PPP4R2: variants seen among roughly 807,000 people sequenced by gnomAD.
PPP4R2 encodes the protein protein phosphatase 4 regulatory subunit 2, also known as serine/threonine-protein phosphatase 4 regulatory subunit 2.
Under a neutral mutation model 47.2 loss-of-function variants are expected in PPP4R2, and 13 were observed. The observed-to-expected ratio is 0.28, with a 90% CI of 0.18 to 0.44. The LOEUF is 0.44. Ranked by LOEUF, PPP4R2 falls within the 20% of genes least tolerant of loss-of-function variation. PPP4R2 has a pLI of 1.00. For missense variants in PPP4R2, 421 were observed against 491.2 expected (o/e 0.86, Z 1.35); for synonymous variants, 151 against 163.3 (o/e 0.92, Z 0.57).
intron 2 of PPP4R2, among the ~76,000 whole-genome samples, chr3:73,005,157 G>A (rs867121818): frequency 3.3e-5 from 5 of 152,042 alleles, no homozygotes; most frequent in Admixed American, 3.3e-4. Context: ...TGGCCAGGCT[G>A]GTCTCAAACT....
intron 2 of PPP4R2, among the ~76,000 whole-genome samples, chr3:73,024,829 G>A (rs770349474): frequency 3.3e-5 from 5 of 152,222 alleles, no homozygotes; most frequent in Non-Finnish European, 7.4e-5. Flanking sequence ...TGTGGTTCAC[G>A]TAAGCCCAAA....
At position 73,066,877 on chromosome 3, in the gene PPP4R2, C is replaced by T. The variant is rs1703006926; in HGVS notation, c.*1155C>T. On this transcript the variant is annotated 3_prime_UTR_variant, in exon 9 of 9. Coordinates refer to ENST00000356692, the MANE Select transcript of PPP4R2 (RefSeq NM_174907.4). ...ATTTTTGAACATGCTTCTTCGACAG[C>T]CAGTGTTATATTTTTCAGATCAACA... is the stretch of plus-strand genomic sequence containing the variant. 6.6e-6 allele frequency: 1 copy of T among 151,892 alleles called. No individual in the cohort carries two copies. 9.4% of individuals were successfully genotyped at this position (151,892 alleles called of 1,614,324 possible). A position where few individuals can be genotyped will look rare whatever the true frequency, so the allele number is the denominator to read the frequency against.
chr3:73,053,172 T>A (rs1702655138), intron 3 of PPP4R2, among the ~76,000 whole-genome samples: 1 of 152,244 alleles, frequency 6.6e-6, no homozygotes, highest in African/African-American at 2.4e-5. Flanking sequence ...TTTGTGTCAG[T>A]GTTTGTTGAG....
At chr3:73,028,079 A>C (rs1331819979) in intron 2 of PPP4R2, among the ~76,000 whole-genome samples, 2 of 151,614 alleles carry the variant, frequency 1.3e-5, no homozygotes, top group African/African-American at 4.8e-5. Context: ...CAACATGGTG[A>C]AACCTCATCT....
At chr3:73,031,404 A>G (rs1250762213) in intron 2 of PPP4R2, among the ~76,000 whole-genome samples, 1 of 152,036 alleles carries the variant, frequency 6.6e-6, no homozygotes, top group African/African-American at 2.4e-5. Flanking sequence ...TTAGCTGGAC[A>G]TGGTGGCATG....
intron 3 of PPP4R2, among the ~76,000 whole-genome samples, chr3:73,054,310 AT>A (rs1470420916): frequency 6.6e-6 from 1 of 152,218 alleles, no homozygotes; most frequent in African/African-American, 2.4e-5. Context: ...ATAAATATAA[AT>A]ATTTATGAAT....
At chr3:73,039,126 C>T (rs1286222880) in intron 2 of PPP4R2, among the ~76,000 whole-genome samples, 1 of 152,008 alleles carries the variant, frequency 6.6e-6, no homozygotes, top group African/African-American at 2.4e-5. Flanking sequence ...ATATAAAAAA[C>T]AATACTTTTT....
At chr3:73,030,955 G>T (rs1403734180) in intron 2 of PPP4R2, among the ~76,000 whole-genome samples, 5 of 151,992 alleles carry the variant, frequency 3.3e-5, no homozygotes, top group Non-Finnish European at 5.9e-5. Context: ...GCCCGCCTCG[G>T]CCTCCCAAAA....
intron 2 of PPP4R2, among the ~76,000 whole-genome samples, chr3:73,013,646 C>CTT (rs56817057): frequency 6.2e-5 from 9 of 145,102 alleles, no homozygotes; most frequent in Middle Eastern, 3.5e-3. Flanking sequence ...TTTTCTTTTT[C>CTT]TTTTTTTTTT....
intron 2 of PPP4R2, among the ~76,000 whole-genome samples, chr3:73,003,856 G>A (rs1469942930): frequency 1.3e-5 from 2 of 151,828 alleles, no homozygotes; most frequent in African/African-American, 4.8e-5. Context: ...ATGCCACCAC[G>A]CCCGGCTACT....
At chr3:73,030,589 C>T (rs1380620414) in intron 2 of PPP4R2, among the ~76,000 whole-genome samples, 1 of 149,400 alleles carries the variant, frequency 6.7e-6, no homozygotes, top group Non-Finnish European at 1.5e-5. Context: ...TATGTAGGCA[C>T]AGATTTGGTG....
chr3:73,052,012 G>C (rs1004308413), intron 3 of PPP4R2, among the ~76,000 whole-genome samples: 4 of 152,134 alleles, frequency 2.6e-5, no homozygotes, highest in African/African-American at 9.7e-5. Flanking sequence ...TGGAGAGCTG[G>C]GGTAACAGTC....
At chr3:73,004,601 C>T (rs190986765) in intron 2 of PPP4R2, among the ~76,000 whole-genome samples, 7 of 152,158 alleles carry the variant, frequency 4.6e-5, no homozygotes, top group Admixed American at 3.9e-4. Flanking sequence ...CCACACCTGG[C>T]TAATTTTTGT....
At position 73,065,992 on chromosome 3, in the gene PPP4R2, T is replaced by TC; in HGVS notation, c.*270_*271insC. The TC allele has an allele frequency of 4.8e-6, 1 of 206,262 alleles. No individual in the cohort carries two copies. Among genetic ancestry groups the TC allele is most frequent in the Non-Finnish European group, 9.6e-6 (1 of 104,518 alleles). 12.8% of individuals were successfully genotyped at this position (206,262 alleles called of 1,614,324 possible). A position where few individuals can be genotyped will look rare whatever the true frequency, so the allele number is the denominator to read the frequency against. Reference sequence around the variant, plus strand: ...GTTTGTGTATAGATTTTTTTTTTTTTTTAATTTAGGATTGAAGTTTTTAAA... The same window carrying TC: ...GTTTGTGTATAGATTTTTTTTTTTTTCTTAATTTAGGATTGAAGTTTTTAAA... On this transcript the variant is annotated 3_prime_UTR_variant, in exon 9 of 9. Coordinates refer to ENST00000356692, the MANE Select transcript of PPP4R2 (RefSeq NM_174907.4).
Position 72,996,959 on chromosome 3 carries a change from C to CG in PPP4R2, c.-72dup, listed in dbSNP as rs1480108134. ...TGTGTGCGAGGGAGGGGGAGGGCGT[C>CG]GGGGGGGTGGGGGGAGGCGTTCCGG... On this transcript the variant is annotated 5_prime_UTR_variant, in exon 1 of 9. Coordinates refer to ENST00000356692, the MANE Select transcript of PPP4R2 (RefSeq NM_174907.4). 40 of 1,112,650 alleles carry CG rather than the reference C, an allele frequency of 3.6e-5. 1 individual carries two copies. The highest frequency in any genetic ancestry group is 6.8e-4 in the Middle Eastern group (2 of 2,938). The allele number at this position is 1,112,650 out of a possible 1,614,324, so 68.9% of individuals were successfully genotyped here. A position where few individuals can be genotyped will look rare whatever the true frequency, so the allele number is the denominator to read the frequency against.
chr3:73,050,562 A>G (rs1702589889), intron 3 of PPP4R2, among the ~76,000 whole-genome samples: 4 of 152,202 alleles, frequency 2.6e-5, no homozygotes, highest in African/African-American at 9.6e-5. Context: ...CATTTGTAAT[A>G]GATAATCTTT....
intron 2 of PPP4R2, among the ~76,000 whole-genome samples, chr3:73,010,313 C>CCTGCCTCAG (rs2107223209): frequency 6.6e-6 from 1 of 152,150 alleles, no homozygotes; most frequent in South Asian, 2.1e-4. Flanking sequence ...GCCTTGACCT[C>CCTGCCTCAG]CCGGGCTTAA....
intron 3 of PPP4R2, 95 bp downstream of exon 3, chr3:73,047,451 T>TCAA: frequency 1.5e-6 from 1 of 647,624 alleles, no homozygotes; most frequent in Non-Finnish European, 2.4e-6. Flanking sequence ...TGATTGATTA[T>TCAA]CCATTAGAAT....
At chr3:73,047,533 C>G (rs979376562) in intron 3 of PPP4R2, among the ~76,000 whole-genome samples, 177 bp downstream of exon 3, 5 of 152,114 alleles carry the variant, frequency 3.3e-5, no homozygotes, top group Admixed American at 2.0e-4. Context: ...TATTTGTAGC[C>G]TCTTAAAAAA....
Sources: gnomAD v4.1 joint callset for allele counts (sites outside exome capture counted in the v4.1 genomes callset) on GRCh38, gnomAD v4.1.1 for gene constraint, MANE v1.5 for transcripts, NCBI Gene and HGNC (gene_info 2026-07-23, HGNC 2026-07-21) for gene names.